Variants in ZNF473 observed in about 807,000 individuals in gnomAD.
The protein encoded by ZNF473 is zinc finger protein 100 homolog.
Under a neutral mutation model 11.1 loss-of-function variants are expected in ZNF473, and 4 were observed. That is an observed-to-expected ratio of 0.36 (90% CI 0.18 to 0.82). ZNF473 has a LOEUF of 0.82. Ranked by LOEUF, ZNF473 falls within the 40% of genes least tolerant of loss-of-function variation. The pLI is 0.49. For synonymous variants in ZNF473, 404 were observed against 390.4 expected (o/e 1.03, Z -0.41); for missense variants, 854 against 1,084.0 (o/e 0.79, Z 2.98).
chr19:50,028,847 T>C, intron 1 of ZNF473, among the ~76,000 whole-genome samples: 1 of 152,236 alleles, frequency 6.6e-6, no homozygotes, highest in East Asian at 1.9e-4. Context: ...GTTATACTCG[T>C]AGGTTGAGGC....
chr19:50,031,162 G>T, intron 2 of ZNF473, 71 bp downstream of exon 2: 1 of 1,544,750 alleles, frequency 6.5e-7, no homozygotes, highest in African/African-American at 1.4e-5. Flanking sequence ...CTTTGTGGCC[G>T]AGGCGAGTTG....
rs1979136838 is a variant in ZNF473 at position 50,046,565 on chromosome 19, G to A, written c.2122G>A (p.Gly708Arg). ...GAAGCCGTTGGTGTGTAACGAATGC[G>A]GGAAAACGTTCCGTCAGAGCTCATG... ...RKKPLVCNEC[G>R]KTFRQSSCLS... is the part of the protein sequence containing the mutation. Residue 708 changes from glycine (G) to arginine (R), a missense_variant, in exon 5 of 5, where the codon GGG (glycine) becomes AGG (arginine). Transcript: ENST00000270617. This position sits in a 1 kb window ranked among gnomAD's most constrained non-coding sequence, Gnocchi z 5.9. 4 of 1,614,232 alleles carry A rather than the reference G, an allele frequency of 2.5e-6. No homozygotes were observed. The highest frequency in any genetic ancestry group is 1.1e-5 in the South Asian group (1 of 91,084).
rs201442455 is a variant in ZNF473 at position 50,045,226 on chromosome 19, C to T, written c.783C>T (p.Gly261=). Reference sequence around the variant, plus strand: ...CTGTGTATCCGAAAACTCACACGGGCTACAAATTCTATGTGTGTAATGAAT... The same window carrying T: ...CTGTGTATCCGAAAACTCACACGGGTTACAAATTCTATGTGTGTAATGAAT... ...SLSVYPKTHT[G]YKFYVCNEYG... The change falls in exon 5 of 5, where the codon GGC becomes GGT. Residue 261 remains glycine (G), a synonymous_variant. Transcript: ENST00000270617. The T allele has an allele frequency of 1.9e-6, 3 of 1,614,172 alleles. No homozygotes were observed. The highest frequency in any genetic ancestry group is 1.7e-5 in the Admixed American group (1 of 60,010).
chr19:50,034,016 G>A lies in ZNF473; in HGVS notation c.9+2925G>A, dbSNP rs374267827. Among the ~76,000 whole-genome samples, 21 of 152,236 alleles carry A rather than the reference G, an allele frequency of 1.4e-4. No individual in the cohort carries two copies. In the East Asian group the frequency reaches 1.5e-3, roughly 11 times the overall value. On this transcript the variant is annotated intron_variant, in intron 2 of 4. Coordinates refer to ENST00000270617, the MANE Select transcript of ZNF473 (RefSeq NM_015428.4). ...CAGGGACATCTTTGTGTGGGGTGGCGGCATTATTCGGCCATGACAATCTAC... is the reference window on the plus strand; with the variant it reads ...CAGGGACATCTTTGTGTGGGGTGGCAGCATTATTCGGCCATGACAATCTAC...
chr19:50,034,002 T>A (rs546837905), intron 2 of ZNF473, among the ~76,000 whole-genome samples: 1 of 152,302 alleles, frequency 6.6e-6, no homozygotes, highest in East Asian at 1.9e-4. Context: ...AGGGACATCT[T>A]TGTGTGGGGT....
In ZNF473 at chr19:50,045,465, T is replaced by G. The variant is rs1979035901; in HGVS notation, c.1022T>G (p.Ile341Ser). 1 of 1,613,962 alleles carries G rather than the reference T, an allele frequency of 6.2e-7. No individual in the cohort carries two copies. Among genetic ancestry groups the G allele is most frequent in the Admixed American group, 1.7e-5 (1 of 60,002 alleles). The stretch of plus-strand genomic sequence containing the variant: ...TTCCACCTTACTCGGCACCAGAAGA[T>G]CCACACTCGGAAACGCTATGAGTGT... ...RIFHLTRHQK[I>S]HTRKRYECSK... Residue 341 changes from isoleucine (I) to serine (S), a missense_variant, in exon 5 of 5, where the codon ATC (isoleucine) becomes AGC (serine). Ile to Ser is a moderately radical substitution (Grantham distance 142). This residue lies in a region of ZNF473 where 668 missense variants were observed against 790.2 expected (regional missense o/e 0.85). Coordinates refer to ENST00000270617, the MANE Select transcript of ZNF473 (RefSeq NM_015428.4).
chr19:50,029,317 A>G (rs144667688), intron 1 of ZNF473, among the ~76,000 whole-genome samples: 7,971 of 151,972 alleles, frequency 0.052, 687 homozygotes, highest in African/African-American at 0.18. Flanking sequence ...TAATTTTGTT[A>G]TTGTATTTTT....
intron 1 of ZNF473, among the ~76,000 whole-genome samples, chr19:50,028,874 A>G (rs2077301727): frequency 6.6e-6 from 1 of 152,244 alleles, no homozygotes; most frequent in Admixed American, 6.5e-5. Context: ...TCTGACATGT[A>G]GAAAAACTCA....
At chr19:50,042,513 T>A (rs911297620) in intron 4 of ZNF473, 1 of 152,286 alleles carries the variant, frequency 6.6e-6, no homozygotes, top group African/African-American at 2.4e-5. Context: ...AGCCTCCTCT[T>A]CAGCACATCA....
intron 1 of ZNF473, among the ~76,000 whole-genome samples, chr19:50,028,915 T>C (rs558401825): frequency 6.6e-6 from 1 of 152,336 alleles, no homozygotes; most frequent in South Asian, 2.1e-4. Flanking sequence ...TTATTGTAGG[T>C]CTACCATATT....
At chr19:50,029,688 T>G (rs2077307357) in intron 1 of ZNF473, among the ~76,000 whole-genome samples, 1 of 152,220 alleles carries the variant, frequency 6.6e-6, no homozygotes, top group African/African-American at 2.4e-5. Flanking sequence ...TTGCGTATTA[T>G]GGGTCATGAA....
rs1979066333 is a variant in ZNF473 at position 50,045,711 on chromosome 19, G to A, written c.1268G>A (p.Arg423Lys). ...AACTCTACCCTAAAGATCCATCAGA[G>A]GGTTCACAGTGGAGAGAAGCCTTAC... is the stretch of plus-strand genomic sequence containing the variant. ...RHNSTLKIHQ[R>K]VHSGEKPYKC... Residue 423 changes from arginine to lysine, a missense_variant, in exon 5 of 5, where the codon AGG becomes AAG. Arg to Lys is a conservative substitution (Grantham distance 26, BLOSUM62 2). Coordinates refer to ENST00000270617, the MANE Select transcript of ZNF473 (RefSeq NM_015428.4). 1.9e-6 allele frequency: 3 copies of A among 1,614,092 alleles called. No homozygotes were observed. The highest frequency in any genetic ancestry group is 2.5e-6 in the Non-Finnish European group (3 of 1,180,004).
chr19:50,029,062 C>T (rs1031822043), intron 1 of ZNF473, among the ~76,000 whole-genome samples: 8 of 152,184 alleles, frequency 5.3e-5, no homozygotes, highest in East Asian at 1.9e-4. Flanking sequence ...CTAGAATGAA[C>T]GATGATACTT....
intron 1 of ZNF473, among the ~76,000 whole-genome samples, chr19:50,026,587 C>A (rs3760716): frequency 6.6e-6 from 1 of 150,540 alleles, no homozygotes; most frequent in Non-Finnish European, 1.5e-5. Flanking sequence ...AGAAAACCAC[C>A]TTGGGAGGCT....
Position 50,046,937 on chromosome 19 carries a change from C to T in ZNF473, c.2494C>T (p.His832Tyr). 6.2e-7 allele frequency: 1 copy of T among 1,614,192 alleles called. No individual in the cohort carries two copies. The highest frequency in any genetic ancestry group is 1.1e-5 in the South Asian group (1 of 91,088). The change falls in exon 5 of 5, where the codon CAC (histidine) becomes TAC (tyrosine). Residue 832 changes from histidine (H) to tyrosine (Y), a missense_variant. Physicochemically the swap from His to Tyr is moderately conservative, Grantham distance 83. Around this residue, in one of 2 missense-constraint regions of ZNF473, gnomAD observed 186 missense variants for 293.8 expected, o/e 0.63. Transcript: ENST00000270617. This position sits in a 1 kb window ranked among gnomAD's most constrained non-coding sequence, Gnocchi z 5.9. ...TGTCCTCAGTGCCCATCTCAACCAG[C>T]ACCTGAGAGTTCACACCCAGGAGAC... Reference protein sequence around the residue: ...AFVLSAHLNQHLRVHTQETLY... With the variant: ...AFVLSAHLNQYLRVHTQETLY...
intron 2 of ZNF473, among the ~76,000 whole-genome samples, chr19:50,036,055 C>G (rs1978415445): frequency 6.6e-6 from 1 of 151,664 alleles, no homozygotes; most frequent in Non-Finnish European, 1.5e-5. Context: ...CTCCTGGGCT[C>G]AAGTGATCCT....
rs113827945 is a variant in ZNF473, at chr19:50,046,874, G to C, written c.2431G>C (p.Glu811Gln). Reference protein sequence around the residue: ...LTQHQRIHTGEKPYSCNVCGK... With the variant: ...LTQHQRIHTGQKPYSCNVCGK... Reference sequence around the variant, plus strand: ...ACAGCACCAGAGAATTCACACAGGGGAGAAGCCTTACTCCTGTAATGTGTG... The same window carrying C: ...ACAGCACCAGAGAATTCACACAGGGCAGAAGCCTTACTCCTGTAATGTGTG... Residue 811 changes from glutamate (E) to glutamine (Q), a missense_variant, in exon 5 of 5, where the codon GAG becomes CAG. Around this residue, in one of 2 missense-constraint regions of ZNF473, gnomAD observed 186 missense variants for 293.8 expected, o/e 0.63. Coordinates refer to ENST00000270617, the MANE Select transcript of ZNF473 (RefSeq NM_015428.4). The surrounding 1 kb of genome is among the most constrained non-coding windows in gnomAD (Gnocchi z 5.9). 4.3e-5 allele frequency: 70 copies of C among 1,614,216 alleles called. No individual in the cohort carries two copies. The African/African-American group carries it at 8.0e-4, about 18-fold the overall frequency.
rs755414392 is a variant in ZNF473 at position 50,045,368 on chromosome 19, G to A, written c.925G>A (p.Glu309Lys). Reference sequence around the variant, plus strand: ...ACCCAGTCATGACACACAGCCTGGTGAGCATCAGAAAACTCACACAGATAG... The same window carrying A: ...ACCCAGTCATGACACACAGCCTGGTAAGCATCAGAAAACTCACACAGATAG... ...HPPSHDTQPGEHQKTHTDSKS... is the reference protein window; with the variant it reads ...HPPSHDTQPGKHQKTHTDSKS... Residue 309 changes from glutamate to lysine, a missense_variant, in exon 5 of 5, where the codon GAG becomes AAG. Around this residue, in one of 2 missense-constraint regions of ZNF473, gnomAD observed 668 missense variants for 790.2 expected, o/e 0.85. Transcript: ENST00000270617. 4 of 1,614,150 alleles carry A rather than the reference G, an allele frequency of 2.5e-6. No individual in the cohort carries two copies. The highest frequency in any genetic ancestry group is 3.4e-6 in the Non-Finnish European group (4 of 1,180,030).
At chr19:50,026,200 T>G (rs1023112735) in intron 1 of ZNF473, 78 bp downstream of exon 1, 1 of 152,744 alleles carries the variant, frequency 6.5e-6, no homozygotes, top group Non-Finnish European at 1.5e-5. Flanking sequence ...GGGGGCGACT[T>G]CGGCAAAGGG....
Sources: gnomAD v4.1 joint callset for allele counts (sites outside exome capture counted in the v4.1 genomes callset) on GRCh38, gnomAD v4.1.1 for gene constraint, gnomAD v4.1.1 regional missense constraint, Gnocchi (gnomAD v3.1) non-coding constraint, MANE v1.5 for transcripts, NCBI Gene and HGNC (gene_info 2026-07-23, HGNC 2026-07-21) for gene names.